DDX60: variants seen among roughly 807,000 people sequenced by gnomAD.
DDX60 encodes the protein probable ATP-dependent RNA helicase DDX60.
DDX60 carries 165 observed loss-of-function variants against 212.8 expected under a neutral mutation model. The ratio of observed to expected loss-of-function variants is 0.78; its 90% confidence interval spans 0.68 to 0.88. The LOEUF is 0.88. Ranked by LOEUF, DDX60 falls within the 40% of genes least tolerant of loss-of-function variation. The pLI, the probability that DDX60 is intolerant of heterozygous loss-of-function variation, is 0.00. For missense variants in DDX60, 1,905 were observed against 2,003.9 expected, an observed-to-expected ratio of 0.95 and a Z score of 0.94; for synonymous variants, 703 against 685.3, an observed-to-expected ratio of 1.03 and a Z score of -0.40.
intron 25 of DDX60, among the ~76,000 whole-genome samples, chr4:168,259,710 A>G (rs1487911285): frequency 2.0e-5 from 3 of 150,194 alleles, no homozygotes; most frequent in Non-Finnish European, 3.0e-5. Context: ...TATGTTATCC[A>G]TTTAATAAAT....
At chr4:168,265,842 GA>G (rs1252483261) in intron 22 of DDX60, among the ~76,000 whole-genome samples, 5 of 16,472 alleles carry the variant, frequency 3.0e-4, no homozygotes, top group African/African-American at 8.6e-4. Context: ...GGAAGGAAGG[GA>G]AGGGAAGGGA....
chr4:168,233,811 C>T (rs1733537617), intron 33 of DDX60, among the ~76,000 whole-genome samples: 1 of 151,880 alleles, frequency 6.6e-6, no homozygotes, highest in Non-Finnish European at 1.5e-5. Context: ...TACTAAAGAA[C>T]TTATACATGT....
intron 30 of DDX60, among the ~76,000 whole-genome samples, chr4:168,243,313 T>A (rs1055324959): frequency 2.6e-5 from 4 of 151,954 alleles, no homozygotes; most frequent in African/African-American, 9.7e-5. Context: ...AAAGAAATGA[T>A]CATCAGAGAA....
At chr4:168,249,340 T>A (rs867255969) in intron 28 of DDX60, among the ~76,000 whole-genome samples, 1 of 152,234 alleles carries the variant, frequency 6.6e-6, no homozygotes, top group African/African-American at 2.4e-5. Context: ...TCTTTCTTTT[T>A]ATATTGATTG....
chr4:168,246,679 A>T (rs1274388765), intron 29 of DDX60, 61 bp from the exon 30 acceptor site: 36 of 1,549,702 alleles, frequency 2.3e-5, no homozygotes, highest in Non-Finnish European at 3.0e-5. Context: ...GCCATAGTGT[A>T]AGAATGAGCC....
At chr4:168,285,269 T>A (rs1735771553) in intron 11 of DDX60, 124 bp downstream of exon 11, 7 of 667,584 alleles carry the variant, frequency 1.0e-5, no homozygotes, top group Non-Finnish European at 1.8e-5. Context: ...TTTAAATTCA[T>A]TATGTATTAC....
chr4:168,227,494 C>G (rs1399310899), intron 33 of DDX60, among the ~76,000 whole-genome samples: 1 of 151,830 alleles, frequency 6.6e-6, no homozygotes, highest in East Asian at 1.9e-4. Context: ...TTTTATTATT[C>G]TTTACAAAGA....
intron 13 of DDX60, among the ~76,000 whole-genome samples, chr4:168,282,448 T>C (rs568962965): frequency 6.6e-6 from 1 of 152,320 alleles, no homozygotes; most frequent in South Asian, 2.1e-4. Flanking sequence ...TATTCAGAAG[T>C]GAAAATAAAA....
At chr4:168,262,948 C>T (rs920572567) in intron 22 of DDX60, among the ~76,000 whole-genome samples, 161 bp from the exon 23 acceptor site, 1 of 152,174 alleles carries the variant, frequency 6.6e-6, no homozygotes, top group Non-Finnish European at 1.5e-5. Flanking sequence ...CAACACAGTT[C>T]CCTGAATCAC....
chr4:168,246,400 C>T lies in DDX60; in HGVS notation c.4164+18G>A, dbSNP rs1322998808. ...CCAGTGATGAAGACTGAACCTCAGG[C>T]AGTGTCCAGCACGGTACCTTTGCCT... On this transcript the variant is annotated intron_variant, in intron 30 of 37. Transcript: ENST00000393743. 1 of 1,613,320 alleles carries T rather than the reference C, an allele frequency of 6.2e-7. No homozygotes were observed. The highest frequency in any genetic ancestry group is 1.7e-5 in the Admixed American group (1 of 59,976).
At chr4:168,268,640 G>T (rs959568550) in intron 20 of DDX60, among the ~76,000 whole-genome samples, 3 of 152,060 alleles carry the variant, frequency 2.0e-5, no homozygotes, top group Admixed American at 2.0e-4. Flanking sequence ...CTACTCAATT[G>T]TAGATCTAGG....
At chr4:168,250,847 T>C (rs1398592459) in intron 28 of DDX60, 107 bp downstream of exon 28, 7 of 965,998 alleles carry the variant, frequency 7.2e-6, no homozygotes, top group Admixed American at 2.8e-5. Context: ...TAAAAGACAA[T>C]TACATGAGAA....
At chr4:168,275,293 G>A (rs1173483456) in intron 16 of DDX60, 52 bp downstream of exon 16, 82 of 1,469,838 alleles carry the variant, frequency 5.6e-5, no homozygotes, top group Non-Finnish European at 7.1e-5. Flanking sequence ...AAACCTCTGA[G>A]ATCACATATA....
intron 33 of DDX60, among the ~76,000 whole-genome samples, chr4:168,226,707 A>G (rs1369094402): frequency 6.6e-6 from 1 of 152,142 alleles, no homozygotes; most frequent in Non-Finnish European, 1.5e-5. Flanking sequence ...GCCATAAAAA[A>G]GAATGAGATC....
At chr4:168,266,659 A>G (rs1734860904) in intron 22 of DDX60, among the ~76,000 whole-genome samples, 2 of 152,222 alleles carry the variant, frequency 1.3e-5, no homozygotes, top group Non-Finnish European at 1.5e-5. Flanking sequence ...CAGGTAAGAT[A>G]TCCCCAGTGA....
chr4:168,250,817 G>A (rs776368856), intron 28 of DDX60, 137 bp downstream of exon 28: 38 of 706,988 alleles, frequency 5.4e-5, no homozygotes, highest in Admixed American at 4.4e-4. Context: ...GACCCATCAC[G>A]CCCGGCCAAC....
In DDX60 at chr4:168,240,058, T is replaced by C. The variant is rs181239090; in HGVS notation, c.4165-2263A>G. On this transcript the variant is annotated intron_variant, in intron 30 of 37. Coordinates refer to ENST00000393743, the MANE Select transcript of DDX60 (RefSeq NM_017631.6). Reference sequence around the variant, plus strand: ...TTGTCTTTGTTTGCAGATGACATGATCCTATATCTAGAAAACCCCATCATC... The same window carrying C: ...TTGTCTTTGTTTGCAGATGACATGACCCTATATCTAGAAAACCCCATCATC... Among the ~76,000 whole-genome samples, 142 of 152,250 alleles carry C rather than the reference T, an allele frequency of 9.3e-4. 1 individual carries two copies. Among genetic ancestry groups the C allele is most frequent in the Non-Finnish European group, 7.4e-4 (50 of 68,018 alleles).
chr4:168,275,585 ACTTT>A (rs1200892286), intron 15 of DDX60, 82 bp from the exon 16 acceptor site: 1 of 1,193,478 alleles, frequency 8.4e-7, no homozygotes, highest in African/African-American at 1.6e-5. Context: ...ATTACTGAGC[ACTTT>A]CTATGTGAAA....
In DDX60 at chr4:168,267,662, C is replaced by T. The variant is rs1193342874; in HGVS notation, c.2959G>A (p.Glu987Lys). Residue 987 changes from glutamate (E) to lysine (K), a missense_variant, in exon 22 of 38, where the codon GAG becomes AAG. Coordinates refer to ENST00000393743, the MANE Select transcript of DDX60 (RefSeq NM_017631.6). ...VLYGERYNDLEKHVCSIKHGD... is the reference protein window; with the variant it reads ...VLYGERYNDLKKHVCSIKHGD... The stretch of plus-strand genomic sequence containing the variant: ...TGTTTTATTGAACATACATGCTTCT[C>T]TAGATCATTATACCTCTCTCCATAG... The T allele has an allele frequency of 6.2e-7, 1 of 1,603,084 alleles. No homozygotes were observed. The highest frequency in any genetic ancestry group is 8.5e-7 in the Non-Finnish European group (1 of 1,174,870).
Sources: allele counts gnomAD v4.1 joint callset (sites outside exome capture counted in the v4.1 genomes callset), GRCh38; gene constraint gnomAD v4.1.1; transcripts MANE v1.5; gene names NCBI Gene and HGNC (gene_info 2026-07-23, HGNC 2026-07-21).